ALDH1A2: variants seen among roughly 807,000 people sequenced by gnomAD.
ALDH1A2 encodes aldehyde dehydrogenase 1 family member A2.
In ALDH1A2, 27 loss-of-function variants were observed where a neutral mutation model predicts 60.3. That is an observed-to-expected ratio of 0.45 (90% CI 0.33 to 0.62). ALDH1A2 has a LOEUF of 0.62. Among genes scored for constraint, ALDH1A2 ranks in the 20% least tolerant of loss-of-function variants. ALDH1A2 has a pLI of 0.02. For synonymous variants in ALDH1A2, 289 were observed against 232.4 expected (o/e 1.24, Z -2.21); for missense variants, 581 against 643.8 (o/e 0.90, Z 1.06).
At chr15:58,023,547 C>T (rs755423353) in intron 1 of ALDH1A2, among the ~76,000 whole-genome samples, 1 of 150,972 alleles carries the variant, frequency 6.6e-6, no homozygotes, top group Non-Finnish European at 1.5e-5. Context: ...ACAACAGCAA[C>T]AGAAAAGCAT....
chr15:58,045,720 A>T (rs148100734), intron 1 of ALDH1A2, among the ~76,000 whole-genome samples: 1 of 152,190 alleles, frequency 6.6e-6, no homozygotes, highest in African/African-American at 2.4e-5. Context: ...CAGGATGGGG[A>T]ACACCACACA....
At chr15:58,045,445 G>A (rs1016198781) in intron 1 of ALDH1A2, among the ~76,000 whole-genome samples, 4 of 152,040 alleles carry the variant, frequency 2.6e-5, no homozygotes, top group East Asian at 1.9e-4. Context: ...ACACGCACAC[G>A]TATGTTTATT....
chr15:58,036,673 C>A (rs1185528146), intron 1 of ALDH1A2: 1 of 151,546 alleles, frequency 6.6e-6, no homozygotes. Context: ...GTAAGTACGA[C>A]TGAAAATCCA....
intron 1 of ALDH1A2, among the ~76,000 whole-genome samples, chr15:58,036,333 T>C (rs1320361270): frequency 5.3e-5 from 8 of 151,562 alleles, no homozygotes; most frequent in African/African-American, 1.9e-4. Context: ...TTCATACACA[T>C]ATTTATCCAA....
intron 1 of ALDH1A2, among the ~76,000 whole-genome samples, chr15:58,057,336 T>C (rs1896921143): frequency 6.6e-6 from 1 of 152,050 alleles, no homozygotes; most frequent in South Asian, 2.1e-4. Context: ...ATATGGTACA[T>C]ATATATAAAA....
chr15:58,046,560 G>C (rs1485522928), intron 1 of ALDH1A2, among the ~76,000 whole-genome samples: 1 of 151,980 alleles, frequency 6.6e-6, no homozygotes, highest in Admixed American at 6.6e-5. Context: ...ATGCCAGTCT[G>C]CCTTTTGCCA....
In ALDH1A2 at chr15:58,030,305, T is replaced by A. The variant is rs532075987; in HGVS notation, c.118-16024A>T. Among the ~76,000 whole-genome samples the A allele has an allele frequency of 2.6e-5, 4 of 152,274 alleles. No individual in the cohort carries two copies. In the East Asian group the frequency reaches 7.7e-4, roughly 29 times the overall value. On this transcript the variant is annotated intron_variant, in intron 1 of 12. Coordinates refer to ENST00000249750, the MANE Select transcript of ALDH1A2 (RefSeq NM_003888.4). ...GACAAAAACCACATGATTATCTCAA[T>A]AGATGCAGAAAAGGCCTTCAACAAA...
At chr15:58,014,502 T>A (rs1459039002) in intron 1 of ALDH1A2, 1 of 592,324 alleles carries the variant, frequency 1.7e-6, no homozygotes, top group African/African-American at 1.8e-5. Context: ...GTTCTTACCT[T>A]TCATGAACCT....
chr15:58,013,371 C>G (rs892854934), intron 3 of ALDH1A2, among the ~76,000 whole-genome samples: 1 of 152,036 alleles, frequency 6.6e-6, no homozygotes, highest in Non-Finnish European at 1.5e-5. Context: ...AAGGTACTTA[C>G]CAGTCATGGC....
chr15:58,010,652 C>T lies in ALDH1A2; in HGVS notation c.490G>A (p.Val164Ile), dbSNP rs1186763851. The change falls in exon 4 of 13, where the codon GTA becomes ATA. Residue 164 changes from valine to isoleucine, a missense_variant. Transcript: ENST00000249750. ...AACGTACTCAGATTTCACATACCTACAGGAATGGTCATCCCATGAATTTTA... is the reference window on the plus strand; with the variant it reads ...AACGTACTCAGATTTCACATACCTATAGGAATGGTCATCCCATGAATTTTA... Reference protein sequence around the residue: ...ADKIHGMTIPVDGDYFTFTRH... With the variant: ...ADKIHGMTIPIDGDYFTFTRH... 18 of 1,613,006 alleles carry T rather than the reference C, an allele frequency of 1.1e-5. No individual in the cohort carries two copies. The highest frequency in any genetic ancestry group is 1.4e-5 in the Non-Finnish European group (17 of 1,179,222).
intron 7 of ALDH1A2, among the ~76,000 whole-genome samples, chr15:57,986,842 A>G (rs970167419): frequency 2.0e-5 from 3 of 151,906 alleles, no homozygotes; most frequent in Non-Finnish European, 4.4e-5. Flanking sequence ...CTGGCTAGAG[A>G]TAGAGTTTCA....
In ALDH1A2 at chr15:58,065,651, G is replaced by C. The variant is rs749667287; in HGVS notation, c.-1C>G. The C allele has an allele frequency of 6.3e-7, 1 of 1,588,488 alleles. No individual in the cohort carries two copies. Among genetic ancestry groups the C allele is most frequent in the Admixed American group, 1.7e-5 (1 of 57,376 alleles). On this transcript the variant is annotated 5_prime_UTR_variant, in exon 1 of 13. Transcript: ENST00000249750. Reference sequence around the variant, plus strand: ...GCATCTCTATCTTGCTGGAAGTCATGGTGGCGGGCCGGGTGTCCCTAGCCC... The same window carrying C: ...GCATCTCTATCTTGCTGGAAGTCATCGTGGCGGGCCGGGTGTCCCTAGCCC...
rs954157537 is a variant in ALDH1A2, at chr15:57,965,655, A to G, written c.901+70T>C. Reference sequence around the variant, plus strand: ...ATATCTTTTGCTAGTGTCCCATCAAAAGTGGAGATATAAAAGAGAGCACCA... The same window carrying G: ...ATATCTTTTGCTAGTGTCCCATCAAGAGTGGAGATATAAAAGAGAGCACCA... On this transcript the variant is annotated intron_variant, in intron 8 of 12. Transcript: ENST00000249750. The G allele has an allele frequency of 3.6e-6, 4 of 1,119,316 alleles. No individual in the cohort carries two copies. In the Admixed American group the frequency reaches 5.1e-5, roughly 14 times the overall value. 69.3% of individuals were successfully genotyped at this position (1,119,316 alleles called of 1,614,324 possible). A position where few individuals can be genotyped will look rare whatever the true frequency, so the allele number is the denominator to read the frequency against.
chr15:57,976,633 A>C (rs1894268283), intron 7 of ALDH1A2, among the ~76,000 whole-genome samples: 1 of 152,156 alleles, frequency 6.6e-6, no homozygotes. Context: ...CATGGTGTAT[A>C]TGTGCCACAT....
At chr15:57,985,843 TAAGCAAATCAGCTCAAAGATGAAAA>T (rs1319831865) in intron 7 of ALDH1A2, among the ~76,000 whole-genome samples, 1 of 152,156 alleles carries the variant, frequency 6.6e-6, no homozygotes, top group East Asian at 1.9e-4. Flanking sequence ...ACTAAACTGA[TAAGCAAATCAGCTCAAAGATGAAAA>T]AGGAGTTACT....
rs73424136 is a variant in ALDH1A2, at chr15:58,058,160, A to T, written c.117+7374T>A. The stretch of plus-strand genomic sequence containing the variant: ...CTCCATAAATTCATACAGGCATTTC[A>T]TAATTTCACCTTCCCAGGCAAAGCC... On this transcript the variant is annotated intron_variant, in intron 1 of 12. Coordinates refer to ENST00000249750, the MANE Select transcript of ALDH1A2 (RefSeq NM_003888.4). The T allele has an allele frequency of 6.0e-4, 755 of 1,252,068 alleles. 4 individuals carry two copies. In the African/African-American group the frequency reaches 0.01, roughly 17 times the overall value. 77.6% of individuals were successfully genotyped at this position (1,252,068 alleles called of 1,614,324 possible).
intron 1 of ALDH1A2, among the ~76,000 whole-genome samples, chr15:58,027,650 G>A (rs1369492800): frequency 1.3e-5 from 2 of 152,036 alleles, no homozygotes; most frequent in Admixed American, 6.6e-5. Context: ...TAAAAACCTT[G>A]AAAAAGGTTA....
chr15:57,965,606 CT>C, intron 8 of ALDH1A2, 118 bp downstream of exon 8: 1 of 846,734 alleles, frequency 1.2e-6, no homozygotes. Context: ...TAGAGGAGAT[CT>C]TTTTGATTGC....
Position 57,993,076 on chromosome 15 carries a change from G to T in ALDH1A2, c.556-3C>A, listed in dbSNP as rs777472837. On this transcript the variant is annotated splice_region_variant and splice_polypyrimidine_tract_variant and intron_variant, in intron 5 of 12. Transcript: ENST00000249750. The stretch of plus-strand genomic sequence containing the variant: ...AACATCAGCAGGGGGAAGTTCCACT[G>T]AAAGGAAAAAACTCAAAGTTGATAG... The T allele has an allele frequency of 6.2e-7, 1 of 1,611,898 alleles. No individual in the cohort carries two copies. The highest frequency in any genetic ancestry group is 8.5e-7 in the Non-Finnish European group (1 of 1,179,866).
Sources: gnomAD v4.1 joint callset for allele counts (sites outside exome capture counted in the v4.1 genomes callset) on GRCh38, gnomAD v4.1.1 for gene constraint, MANE v1.5 for transcripts, NCBI Gene and HGNC (gene_info 2026-07-23, HGNC 2026-07-21) for gene names.